Variants in FAM117B observed in about 807,000 individuals in gnomAD.
FAM117B encodes protein FAM117B.
In FAM117B, 22 loss-of-function variants were observed where a neutral mutation model predicts 52.8. The observed-to-expected ratio is 0.42, with a 90% CI of 0.30 to 0.59. FAM117B has a LOEUF of 0.59. Ranked by LOEUF, FAM117B falls within the 20% of genes least tolerant of loss-of-function variation. FAM117B has a pLI of 0.22. For synonymous variants in FAM117B, 309 were observed against 324.1 expected (o/e 0.95, Z 0.50); for missense variants, 678 against 802.6 (o/e 0.84, Z 1.88).
Position 202,659,604 on chromosome 2 carries a change from CTTTTTTTTTTTTT to C in FAM117B, c.601+23834_601+23846del, listed in dbSNP as rs71030981. 7.9e-3 allele frequency among the ~76,000 whole-genome samples: 491 copies of C among 62,312 alleles called. 3 individuals are homozygous for C. Among genetic ancestry groups the C allele is most frequent in the African/African-American group, 0.028 (460 of 16,626 alleles). 40.9% of individuals were successfully genotyped at this position (62,312 alleles called of 152,430 possible). The stretch of plus-strand genomic sequence containing the variant: ...GAGATTACAGACGTGAGCCACCGTG[CTTTTTTTTTTTTT>C]TTTTTTTTTTTTTTTTTGACGGAGT... On this transcript the variant is annotated intron_variant, in intron 1 of 7. Transcript: ENST00000392238.
Position 202,638,355 on chromosome 2 carries a change from T to A in FAM117B, c.601+2567T>A, listed in dbSNP as rs569611322. On this transcript the variant is annotated intron_variant, in intron 1 of 7. Coordinates refer to ENST00000392238, the MANE Select transcript of FAM117B (RefSeq NM_173511.4). ...GAATCTGGCTCTCTTAACAACTGTT[T>A]GACACTCAGAGAAACACCCTGAGGA... 8.5e-5 allele frequency among the ~76,000 whole-genome samples: 13 copies of A among 152,300 alleles called. 1 individual carries two copies. In the South Asian group the frequency reaches 2.7e-3, roughly 32 times the overall value.
chr2:202,738,281 A>G (rs1287958983), intron 4 of FAM117B, among the ~76,000 whole-genome samples: 1 of 152,144 alleles, frequency 6.6e-6, no homozygotes, highest in African/African-American at 2.4e-5. Context: ...ATTTTCTTTT[A>G]TGGGGATTAC....
At position 202,635,110 on chromosome 2, in the gene FAM117B, GCCT is replaced by G. The variant is rs1367427251; in HGVS notation, c.-76_-74del. The G allele has an allele frequency of 3.2e-6, 4 of 1,251,218 alleles. No individual in the cohort carries two copies. The highest frequency in any genetic ancestry group is 3.0e-6 in the Non-Finnish European group (3 of 997,112). The allele number at this position is 1,251,218 out of a possible 1,614,324, so 77.5% of individuals were successfully genotyped here. On this transcript the variant is annotated 5_prime_UTR_variant, in exon 1 of 8. Transcript: ENST00000392238. ...CCCGTCTTGGGGGGCCTGCCCTCCG[GCCT>G]CGAGAATCCTCCCCCTGCAGCCCAA... is the stretch of plus-strand genomic sequence containing the variant.
At chr2:202,713,305 C>T (rs535772201) in intron 2 of FAM117B, among the ~76,000 whole-genome samples, 21 of 152,246 alleles carry the variant, frequency 1.4e-4, no homozygotes, top group East Asian at 9.6e-4. Context: ...GATTTTACAA[C>T]GTATTGGCAT....
chr2:202,650,531 G>A (rs1465209643), intron 1 of FAM117B, among the ~76,000 whole-genome samples: 1 of 152,132 alleles, frequency 6.6e-6, no homozygotes, highest in Admixed American at 6.5e-5. Context: ...ATAAAGGGGA[G>A]TTTATTAAGG....
intron 4 of FAM117B, among the ~76,000 whole-genome samples, chr2:202,754,342 A>G (rs1404828374): frequency 6.6e-6 from 1 of 152,128 alleles, no homozygotes; most frequent in African/African-American, 2.4e-5. Flanking sequence ...ACATGGGCAC[A>G]TAGAGGGGAA....
At chr2:202,754,128 A>T (rs1351453989) in intron 4 of FAM117B, among the ~76,000 whole-genome samples, 1 of 152,230 alleles carries the variant, frequency 6.6e-6, no homozygotes, top group Non-Finnish European at 1.5e-5. Context: ...AACCAACTGA[A>T]ATGCCATCAA....
chr2:202,722,179 T>A (rs1691166293), intron 2 of FAM117B, among the ~76,000 whole-genome samples: 1 of 151,568 alleles, frequency 6.6e-6, no homozygotes, highest in Non-Finnish European at 1.5e-5. Flanking sequence ...CCCGGCTAAT[T>A]TTTTGTACTT....
chr2:202,764,875 G>T (rs754897372), intron 7 of FAM117B, among the ~76,000 whole-genome samples: 3 of 152,118 alleles, frequency 2.0e-5, no homozygotes, highest in Admixed American at 6.5e-5. Context: ...TTAACTCAAA[G>T]AATTGTTTCC....
intron 1 of FAM117B, among the ~76,000 whole-genome samples, chr2:202,677,024 T>A (rs1690387637): frequency 6.6e-6 from 1 of 151,902 alleles, no homozygotes; most frequent in Non-Finnish European, 1.5e-5. Flanking sequence ...GAAGCTTGGC[T>A]GATGAACTGA....
intron 1 of FAM117B, among the ~76,000 whole-genome samples, chr2:202,659,340 C>T (rs971206253): frequency 1.3e-5 from 2 of 151,820 alleles, no homozygotes; most frequent in East Asian, 1.9e-4. Context: ...GACAGAATCT[C>T]GCTCTCTTGC....
chr2:202,763,003 G>A (rs531458616), intron 7 of FAM117B, among the ~76,000 whole-genome samples: 14 of 150,706 alleles, frequency 9.3e-5, no homozygotes, highest in Admixed American at 8.0e-4. Flanking sequence ...ATCTAAATCA[G>A]GAAGTTTGTA....
chr2:202,741,416 C>CAAAAAAA (rs1156278814), intron 4 of FAM117B, among the ~76,000 whole-genome samples: 6 of 34,964 alleles, frequency 1.7e-4, no homozygotes, highest in Non-Finnish European at 2.3e-4. Flanking sequence ...GACTCTGTCT[C>CAAAAAAA]AAAAAAAAAA....
chr2:202,759,130 A>G, intron 6 of FAM117B, 103 bp from the exon 7 acceptor site: 1 of 1,226,890 alleles, frequency 8.2e-7, no homozygotes, highest in Non-Finnish European at 1.1e-6. Context: ...TTAATAAAGC[A>G]CTGTTCCTGC....
rs549154289 is a variant in FAM117B, at chr2:202,685,205, G to A, written c.602-10676G>A. 6.6e-5 allele frequency among the ~76,000 whole-genome samples: 10 copies of A among 152,050 alleles called. No individual in the cohort carries two copies. The South Asian group carries it at 1.7e-3, about 25-fold the overall frequency. Reference sequence around the variant, plus strand: ...TCACCATGTTGGCCAGGCTGGTTTTGAACTCCCGACTTCAAGTGATCCACC... The same window carrying A: ...TCACCATGTTGGCCAGGCTGGTTTTAAACTCCCGACTTCAAGTGATCCACC... On this transcript the variant is annotated intron_variant, in intron 1 of 7. Transcript: ENST00000392238.
At chr2:202,682,876 A>C (rs1297714577) in intron 1 of FAM117B, among the ~76,000 whole-genome samples, 1 of 152,254 alleles carries the variant, frequency 6.6e-6, no homozygotes, top group Non-Finnish European at 1.5e-5. Flanking sequence ...TGTGGCATAC[A>C]GTTAAAACGT....
intron 1 of FAM117B, among the ~76,000 whole-genome samples, chr2:202,694,811 G>T (rs1434027239): frequency 2.6e-5 from 4 of 152,056 alleles, no homozygotes; most frequent in Admixed American, 6.6e-5. Context: ...TGAAGCAGAT[G>T]TGTTATTACT....
intron 7 of FAM117B, among the ~76,000 whole-genome samples, chr2:202,764,433 T>A (rs1420600680): frequency 2.0e-5 from 3 of 151,906 alleles, no homozygotes; most frequent in African/African-American, 7.3e-5. Flanking sequence ...CTAGATTATT[T>A]TTTTTTTTAA....
At chr2:202,761,139 C>A (rs938701063) in intron 7 of FAM117B, among the ~76,000 whole-genome samples, 2 of 152,212 alleles carry the variant, frequency 1.3e-5, no homozygotes, top group Admixed American at 6.5e-5. Flanking sequence ...TCAAGTGATC[C>A]ACCTGCCTTG....
Sources: allele counts gnomAD v4.1 joint callset (sites outside exome capture counted in the v4.1 genomes callset), GRCh38; gene constraint gnomAD v4.1.1; transcripts MANE v1.5; gene names NCBI Gene and HGNC (gene_info 2026-07-23, HGNC 2026-07-21).